GNG4: variants seen among roughly 807,000 people sequenced by gnomAD.
GNG4 encodes guanine nucleotide-binding protein G(I)/G(S)/G(O) subunit gamma-4.
In GNG4, 4 loss-of-function variants were observed where a neutral mutation model predicts 5.8. The observed-to-expected ratio is 0.69, with a 90% CI of 0.34 to 1.57. The LOEUF is 1.57. Ranked by LOEUF, GNG4 falls within the 40% of genes most tolerant of loss-of-function variation. GNG4 has a pLI of 0.06. For synonymous variants in GNG4, 29 were observed against 32.9 expected (o/e 0.88, Z 0.41); for missense variants, 96 against 95.1 (o/e 1.01, Z -0.04).
chr1:235,601,331 C>G (rs1174259663), intron 1 of GNG4, among the ~76,000 whole-genome samples: 1 of 152,164 alleles, frequency 6.6e-6, no homozygotes, highest in Non-Finnish European at 1.5e-5. Context: ...GGTCTCTGCT[C>G]TCACAGAGCT....
intron 1 of GNG4, among the ~76,000 whole-genome samples, chr1:235,607,782 C>T (rs1460579866): frequency 6.6e-6 from 1 of 152,144 alleles, no homozygotes; most frequent in Non-Finnish European, 1.5e-5. Context: ...ATGAGGCCAC[C>T]CTCCCTGCCT....
At chr1:235,613,100 A>AT (rs796822828) in intron 1 of GNG4, among the ~76,000 whole-genome samples, 14 of 147,874 alleles carry the variant, frequency 9.5e-5, no homozygotes, top group South Asian at 8.7e-4. Flanking sequence ...TCAACACAGA[A>AT]TTTTTTTTGG....
At chr1:235,639,816 G>T (rs181497730) in intron 1 of GNG4, among the ~76,000 whole-genome samples, 1 of 152,200 alleles carries the variant, frequency 6.6e-6, no homozygotes. Context: ...TCTGTGTTGT[G>T]TTATAATCCT....
At chr1:235,556,419 G>C (rs184804093) in intron 3 of GNG4, among the ~76,000 whole-genome samples, 1 of 151,866 alleles carries the variant, frequency 6.6e-6, no homozygotes, top group Non-Finnish European at 1.5e-5. Flanking sequence ...TTAGCTGGGC[G>C]TGGTGGCCCA....
intron 1 of GNG4, among the ~76,000 whole-genome samples, chr1:235,597,433 C>T (rs188986111): frequency 6.6e-6 from 1 of 150,758 alleles, no homozygotes; most frequent in African/African-American, 2.4e-5. Context: ...AATCCAAAGC[C>T]CCAAGGTGAT....
intron 2 of GNG4, chr1:235,588,869 C>T (rs991360212): frequency 6.5e-6 from 1 of 152,738 alleles, no homozygotes; most frequent in Non-Finnish European, 1.5e-5. Flanking sequence ...CCATCCTTGC[C>T]TCCACTCAGG....
intron 3 of GNG4, 151 bp downstream of exon 3, chr1:235,583,589 C>A: frequency 1.7e-6 from 1 of 573,832 alleles, no homozygotes; most frequent in Non-Finnish European, 3.2e-6. Flanking sequence ...AACTGTGAAG[C>A]AAACACTCAT....
At chr1:235,581,203 T>C (rs529033806) in intron 3 of GNG4, among the ~76,000 whole-genome samples, 7 of 151,808 alleles carry the variant, frequency 4.6e-5, no homozygotes, top group African/African-American at 1.7e-4. Flanking sequence ...TCATGAAGGG[T>C]TTAAAACCAT....
At chr1:235,646,639 C>T (rs1247660673) in intron 1 of GNG4, among the ~76,000 whole-genome samples, 1 of 152,214 alleles carries the variant, frequency 6.6e-6, no homozygotes, top group East Asian at 1.9e-4. Flanking sequence ...CTTCCTCACT[C>T]CTGGGCACCC....
intron 1 of GNG4, among the ~76,000 whole-genome samples, chr1:235,604,629 C>A (rs1209188023): frequency 6.6e-6 from 1 of 152,242 alleles, no homozygotes; most frequent in Non-Finnish European, 1.5e-5. Flanking sequence ...CTGTGTCTCA[C>A]CGTGTCATCT....
At chr1:235,610,687 C>G (rs966738175) in intron 1 of GNG4, among the ~76,000 whole-genome samples, 2 of 152,148 alleles carry the variant, frequency 1.3e-5, no homozygotes, top group Non-Finnish European at 2.9e-5. Context: ...CCTACCATTG[C>G]CTATTCAAGG....
chr1:235,631,496 G>T (rs1688930916), intron 1 of GNG4, among the ~76,000 whole-genome samples: 1 of 152,206 alleles, frequency 6.6e-6, no homozygotes, highest in African/African-American at 2.4e-5. Context: ...CGGAGGCTCG[G>T]TGCCTGGACC....
At chr1:235,566,454 A>G (rs150255393) in intron 3 of GNG4, among the ~76,000 whole-genome samples, 1 of 152,300 alleles carries the variant, frequency 6.6e-6, no homozygotes, top group East Asian at 1.9e-4. Flanking sequence ...ACTGTCTCCC[A>G]ACACCTGTCC....
At chr1:235,615,990 A>G (rs1293318001) in intron 1 of GNG4, 2 of 334,554 alleles carry the variant, frequency 6.0e-6, no homozygotes, top group Non-Finnish European at 1.2e-5. Context: ...TGTCCTCAGC[A>G]GCCTGGCCAC....
At chr1:235,587,781 T>TGA (rs1687852493) in intron 2 of GNG4, among the ~76,000 whole-genome samples, 1 of 112,352 alleles carries the variant, frequency 8.9e-6, no homozygotes, top group Non-Finnish European at 1.9e-5. Flanking sequence ...GGGGTGGGGG[T>TGA]GTGTGTGTGT....
intron 1 of GNG4, among the ~76,000 whole-genome samples, chr1:235,627,510 C>T (rs910658324): frequency 9.9e-5 from 15 of 152,132 alleles, no homozygotes; most frequent in African/African-American, 3.4e-4. Context: ...CATGAGCCAC[C>T]GCACCTGGCC....
intron 1 of GNG4, among the ~76,000 whole-genome samples, chr1:235,632,604 A>G (rs957547455): frequency 6.6e-6 from 1 of 152,180 alleles, no homozygotes; most frequent in African/African-American, 2.4e-5. Context: ...AATTATTTGT[A>G]TGACTTTGAA....
At chr1:235,616,632 T>G (rs531409906) in intron 1 of GNG4, among the ~76,000 whole-genome samples, 1 of 152,278 alleles carries the variant, frequency 6.6e-6, no homozygotes, top group East Asian at 1.9e-4. Context: ...CACCTCCTTT[T>G]CTCTCTGTGA....
chr1:235,570,153 T>C (rs1448634140), intron 3 of GNG4, among the ~76,000 whole-genome samples: 2 of 152,208 alleles, frequency 1.3e-5, no homozygotes, highest in Admixed American at 6.5e-5. Context: ...AATATTCGCA[T>C]ACAAATGTGA....
Sources: allele counts gnomAD v4.1 joint callset (sites outside exome capture counted in the v4.1 genomes callset), GRCh38; gene constraint gnomAD v4.1.1; transcripts MANE v1.5; gene names NCBI Gene and HGNC (gene_info 2026-07-23, HGNC 2026-07-21).